Variants in UBR3 observed in about 807,000 individuals in gnomAD.
UBR3 encodes E3 ubiquitin-protein ligase UBR3.
UBR3 carries 85 observed loss-of-function variants against 243.2 expected under a neutral mutation model. The observed-to-expected ratio is 0.35, with a 90% CI of 0.29 to 0.42. UBR3 has a LOEUF of 0.42. UBR3 is among the 10% of genes least tolerant of loss of function. The pLI is 1.00. For missense variants in UBR3, 1,686 were observed against 2,300.8 expected (o/e 0.73, Z 5.47); for synonymous variants, 748 against 799.8 (o/e 0.94, Z 1.09).
At chr2:169,896,015 G>A (rs1449763580) in intron 7 of UBR3, among the ~76,000 whole-genome samples, 3 of 152,012 alleles carry the variant, frequency 2.0e-5, no homozygotes, top group Non-Finnish European at 4.4e-5. Flanking sequence ...AAATAAATAC[G>A]GCTGGGCGTG....
intron 5 of UBR3, among the ~76,000 whole-genome samples, chr2:169,890,569 ATATATATATATG>A (rs1574134561): frequency 9.8e-6 from 1 of 101,536 alleles, no homozygotes; most frequent in Non-Finnish European, 2.0e-5. Context: ...ATATATGTGT[ATATATATATATG>A]TATATATATA....
chr2:169,905,327 T>G (rs752127593), intron 9 of UBR3, 34 bp downstream of exon 9: 1 of 1,417,244 alleles, frequency 7.1e-7, no homozygotes, highest in Non-Finnish European at 9.2e-7. Flanking sequence ...ATTTTTTGGT[T>G]TACAAAATTC....
chr2:169,975,115 A>G (rs994301831), intron 24 of UBR3, among the ~76,000 whole-genome samples: 1 of 152,136 alleles, frequency 6.6e-6, no homozygotes, highest in African/African-American at 2.4e-5. Context: ...GGTTGCAGTA[A>G]GCAGAGATCA....
At chr2:169,999,304 T>C (rs1016679885) in intron 26 of UBR3, among the ~76,000 whole-genome samples, 3 of 152,198 alleles carry the variant, frequency 2.0e-5, no homozygotes, top group Non-Finnish European at 4.4e-5. Flanking sequence ...TTTTTCTGAT[T>C]TGTAACAGTA....
intron 19 of UBR3, among the ~76,000 whole-genome samples, chr2:169,933,841 T>C (rs2086226854): frequency 6.6e-6 from 1 of 151,822 alleles, no homozygotes; most frequent in South Asian, 2.1e-4. Context: ...TTTAATTCAC[T>C]TCCTCCCCCA....
At chr2:169,951,355 G>A (rs2087019637) in intron 23 of UBR3, among the ~76,000 whole-genome samples, 1 of 152,130 alleles carries the variant, frequency 6.6e-6, no homozygotes, top group South Asian at 2.1e-4. Flanking sequence ...GTGGAAGCAA[G>A]CCTAAGATGG....
intron 1 of UBR3, among the ~76,000 whole-genome samples, chr2:169,859,395 T>G (rs1248628544): frequency 6.6e-6 from 1 of 152,092 alleles, no homozygotes; most frequent in Non-Finnish European, 1.5e-5. Flanking sequence ...TAAAAAAATA[T>G]TTATTCTGTT....
At chr2:169,890,567 GTATATATA>G (rs1314543784) in intron 5 of UBR3, among the ~76,000 whole-genome samples, 1 of 59,560 alleles carries the variant, frequency 1.7e-5, no homozygotes, top group African/African-American at 7.7e-5. Flanking sequence ...ATATATATGT[GTATATATA>G]TATATGTATA....
chr2:169,890,912 G>T (rs1272724071), intron 5 of UBR3, among the ~76,000 whole-genome samples: 1 of 149,788 alleles, frequency 6.7e-6, no homozygotes, highest in Non-Finnish European at 1.5e-5. Context: ...GGCATTTTGG[G>T]GTACTTAAGA....
chr2:170,070,280 G>A (rs2091669803), intron 35 of UBR3, among the ~76,000 whole-genome samples: 2 of 152,110 alleles, frequency 1.3e-5, no homozygotes, highest in South Asian at 4.1e-4. Flanking sequence ...TCAAAGAAAA[G>A]CATTTAACAA....
chr2:170,051,476 C>G (rs2091215524), intron 32 of UBR3, among the ~76,000 whole-genome samples: 1 of 152,138 alleles, frequency 6.6e-6, no homozygotes, highest in African/African-American at 2.4e-5. Flanking sequence ...TTCCAAGTAG[C>G]TGGGCTTACA....
rs73019585 is a variant in UBR3 at position 170,064,290 on chromosome 2, T to G, written c.5019+2847T>G. ...CTTTGTGGAATAGAAATTTTTCAGTTTAATGTTGTTAGAACGATTACCTTT... is the reference window on the plus strand; with the variant it reads ...CTTTGTGGAATAGAAATTTTTCAGTGTAATGTTGTTAGAACGATTACCTTT... On this transcript the variant is annotated intron_variant, in intron 35 of 38. Transcript: ENST00000272793. Among the ~76,000 whole-genome samples the G allele has an allele frequency of 4.6e-3, 695 of 152,284 alleles. 1 individual carries two copies. Among genetic ancestry groups the G allele is most frequent in the African/African-American group, 0.015 (629 of 41,560 alleles).
intron 32 of UBR3, among the ~76,000 whole-genome samples, chr2:170,050,209 C>T (rs2091185915): frequency 6.6e-6 from 1 of 152,156 alleles, no homozygotes; most frequent in African/African-American, 2.4e-5. Context: ...GTTTTTCACA[C>T]AGAAAAGAAC....
intron 28 of UBR3, among the ~76,000 whole-genome samples, chr2:170,007,722 G>A (rs2089965167): frequency 6.6e-6 from 1 of 152,090 alleles, no homozygotes; most frequent in South Asian, 2.1e-4. Context: ...AAATTGGCCG[G>A]GCACAGTGGC....
At chr2:169,881,604 C>T (rs1407419036) in intron 5 of UBR3, among the ~76,000 whole-genome samples, 2 of 141,468 alleles carry the variant, frequency 1.4e-5, no homozygotes, top group East Asian at 2.1e-4. Context: ...AGGTATCTAC[C>T]GTATGTTTCT....
At chr2:170,027,273 A>G (rs1248812632) in intron 30 of UBR3, among the ~76,000 whole-genome samples, 1 of 151,294 alleles carries the variant, frequency 6.6e-6, no homozygotes, top group Non-Finnish European at 1.5e-5. Context: ...TATTATTACT[A>G]TATAATAGAC....
At chr2:169,855,265 A>T (rs1487102586) in intron 1 of UBR3, among the ~76,000 whole-genome samples, 1 of 152,202 alleles carries the variant, frequency 6.6e-6, no homozygotes, top group Non-Finnish European at 1.5e-5. Context: ...TTTTTGCCAG[A>T]TTGTTCTCAT....
intron 5 of UBR3, among the ~76,000 whole-genome samples, chr2:169,878,918 T>C (rs1473677191): frequency 6.6e-6 from 1 of 152,194 alleles, no homozygotes; most frequent in Non-Finnish European, 1.5e-5. Context: ...ATATGTACAA[T>C]GAAATTATTT....
chr2:170,025,788 C>T (rs1285001110), intron 30 of UBR3, among the ~76,000 whole-genome samples: 2 of 152,092 alleles, frequency 1.3e-5, no homozygotes, highest in Non-Finnish European at 2.9e-5. Context: ...AGATGACTCC[C>T]GAGTTTTTCC....
Sources: gnomAD v4.1 joint callset for allele counts (sites outside exome capture counted in the v4.1 genomes callset) on GRCh38, gnomAD v4.1.1 for gene constraint, MANE v1.5 for transcripts, NCBI Gene and HGNC (gene_info 2026-07-23, HGNC 2026-07-21) for gene names.